The following MCTP2 variants were observed in gnomAD, a reference collection of about 807,000 sequenced individuals.
The protein encoded by MCTP2 is multiple C2 and transmembrane domain-containing protein 2.
Under a neutral mutation model 111.6 loss-of-function variants are expected in MCTP2, and 132 were observed. That is an observed-to-expected ratio of 1.18 (90% CI 1.03 to 1.37). The LOEUF (loss-of-function observed/expected upper bound fraction) is 1.37. Among genes scored for constraint, MCTP2 ranks in the 40% most tolerant of loss-of-function variants. The pLI, the probability that MCTP2 is intolerant of heterozygous loss-of-function variation, is 0.00. For synonymous variants in MCTP2, 395 were observed against 387.7 expected (o/e 1.02, Z -0.22); for missense variants, 1,183 against 1,067.9 (o/e 1.11, Z -1.50).
At chr15:94,355,176 A>T (rs2078548137) in intron 8 of MCTP2, among the ~76,000 whole-genome samples, 1 of 152,226 alleles carries the variant, frequency 6.6e-6, no homozygotes. Flanking sequence ...TATGCTAGAC[A>T]ACTTATGGTT....
chr15:94,298,362 A>C lies in MCTP2; in HGVS notation c.97A>C (p.Ser33Arg). The stretch of plus-strand genomic sequence containing the variant: ...CAAGAAGAAGGTGAAAAAGAACCCA[A>C]GTAAGCCCCCAGATCTACGGGCAAG... ...LSKKKVKKNP[S>R]KPPDLRARHH... Residue 33 changes from serine to arginine, a missense_variant, in exon 2 of 23, where the codon AGT becomes CGT. Coordinates refer to ENST00000357742, the MANE Select transcript of MCTP2 (RefSeq NM_001385001.1). 2 of 1,614,138 alleles carry C rather than the reference A, an allele frequency of 1.2e-6. No homozygotes were observed. Among genetic ancestry groups the C allele is most frequent in the Admixed American group, 1.7e-5 (1 of 60,018 alleles).
chr15:94,371,671 C>T (rs1456735479), intron 12 of MCTP2, among the ~76,000 whole-genome samples: 1 of 152,100 alleles, frequency 6.6e-6, no homozygotes, highest in Non-Finnish European at 1.5e-5. Context: ...TTTACAACAA[C>T]ATCCATATGT....
intron 21 of MCTP2, 118 bp from the exon 22 acceptor site, chr15:94,476,578 A>G: frequency 1.5e-6 from 1 of 672,708 alleles, no homozygotes. Context: ...TTGAAGATAG[A>G]TGCTAGATAG....
chr15:94,287,366 C>T (rs2074809769), intron 1 of MCTP2, among the ~76,000 whole-genome samples: 1 of 151,462 alleles, frequency 6.6e-6, no homozygotes, highest in Admixed American at 6.6e-5. Context: ...ATATATTGTT[C>T]TGGGAAATAC....
At chr15:94,478,929 A>G (rs369968206) in intron 22 of MCTP2, 37 bp from the exon 23 acceptor site, 56 of 1,603,580 alleles carry the variant, frequency 3.5e-5, no homozygotes, top group Non-Finnish European at 4.6e-5. Context: ...AGCTAGGGTT[A>G]CCTAACCGCC....
chr15:94,439,047 T>C (rs954285304), intron 17 of MCTP2, among the ~76,000 whole-genome samples: 4 of 152,142 alleles, frequency 2.6e-5, no homozygotes, highest in African/African-American at 9.7e-5. Flanking sequence ...TTTGATACAA[T>C]AAAGAATATT....
At chr15:94,303,988 C>T (rs2075769033) in intron 2 of MCTP2, among the ~76,000 whole-genome samples, 2 of 152,176 alleles carry the variant, frequency 1.3e-5, no homozygotes, top group Admixed American at 1.3e-4. Context: ...TGGGCAAGGG[C>T]ATCACTGAGT....
chr15:94,381,934 C>T (rs2080161221), intron 12 of MCTP2, among the ~76,000 whole-genome samples: 1 of 152,110 alleles, frequency 6.6e-6, no homozygotes, highest in Admixed American at 6.6e-5. Context: ...ATTTTGACTC[C>T]CCAGCATCTA....
chr15:94,285,676 C>T (rs551032346), intron 1 of MCTP2, among the ~76,000 whole-genome samples: 7 of 152,164 alleles, frequency 4.6e-5, no homozygotes, highest in Admixed American at 2.6e-4. Flanking sequence ...TGAATGTTTC[C>T]GAAACCCTAG....
chr15:94,317,864 C>T (rs1185135935), intron 4 of MCTP2, among the ~76,000 whole-genome samples: 1 of 152,048 alleles, frequency 6.6e-6, no homozygotes, highest in East Asian at 1.9e-4. Context: ...TTATTGCCTA[C>T]TTGTTGGTAA....
At chr15:94,422,685 T>C (rs2082681079) in intron 17 of MCTP2, among the ~76,000 whole-genome samples, 2 of 152,210 alleles carry the variant, frequency 1.3e-5, no homozygotes, top group East Asian at 3.8e-4. Flanking sequence ...TACAGGATTT[T>C]CCATGAACTG....
At chr15:94,473,172 C>T (rs2074070232) in intron 21 of MCTP2, among the ~76,000 whole-genome samples, 1 of 152,100 alleles carries the variant, frequency 6.6e-6, no homozygotes, top group South Asian at 2.1e-4. Context: ...GCACATAAAA[C>T]AGCCTAATTT....
chr15:94,390,109 T>TATATATATGC (rs1567603403), intron 14 of MCTP2, among the ~76,000 whole-genome samples: 9 of 38,846 alleles, frequency 2.3e-4, no homozygotes, highest in African/African-American at 5.5e-4. Flanking sequence ...TATATATATA[T>TATATATATGC]ATATGTATAT....
chr15:94,257,659 C>G (rs1326404747), intron 1 of MCTP2, among the ~76,000 whole-genome samples: 1 of 133,246 alleles, frequency 7.5e-6, no homozygotes, highest in Non-Finnish European at 1.5e-5. Context: ...TGATCTCGGC[C>G]CAATGCAGTC....
At position 94,366,588 on chromosome 15, in the gene MCTP2, C is replaced by T. The variant is rs568518875; in HGVS notation, c.1302-1017C>T. 3.9e-5 allele frequency among the ~76,000 whole-genome samples: 6 copies of T among 152,222 alleles called. No individual in the cohort carries two copies. In the East Asian group the frequency reaches 1.2e-3, roughly 29 times the overall value. ...TAATTAACTGCAAATGTACAAAGTC[C>T]ATTGACAGCTTAGGGTAAGAATCTA... On this transcript the variant is annotated intron_variant, in intron 10 of 22. Transcript: ENST00000357742.
At chr15:94,285,545 G>A (rs776131023) in intron 1 of MCTP2, among the ~76,000 whole-genome samples, 4 of 151,928 alleles carry the variant, frequency 2.6e-5, no homozygotes, top group Non-Finnish European at 4.4e-5. Flanking sequence ...CATTAACTTC[G>A]TTAGGGTTCA....
At chr15:94,233,034 C>G (rs976117357) in intron 1 of MCTP2, among the ~76,000 whole-genome samples, 1 of 152,134 alleles carries the variant, frequency 6.6e-6, no homozygotes, top group Non-Finnish European at 1.5e-5. Flanking sequence ...GTGGCTATTT[C>G]TGAGTGCAGA....
chr15:94,283,409 C>T (rs532311632), intron 1 of MCTP2, among the ~76,000 whole-genome samples: 1 of 152,164 alleles, frequency 6.6e-6, no homozygotes, highest in African/African-American at 2.4e-5. Context: ...CCATGCCAAC[C>T]CCCCTTGGCT....
intron 1 of MCTP2, among the ~76,000 whole-genome samples, chr15:94,257,422 A>G (rs1459018806): frequency 2.0e-5 from 3 of 152,018 alleles, no homozygotes; most frequent in African/African-American, 7.3e-5. Flanking sequence ...AGATTAGACA[A>G]AATTCAACCT....
Sources: allele counts gnomAD v4.1 joint callset (sites outside exome capture counted in the v4.1 genomes callset), GRCh38; gene constraint gnomAD v4.1.1; transcripts MANE v1.5; gene names NCBI Gene and HGNC (gene_info 2026-07-23, HGNC 2026-07-21).